Variants in STK11 observed in about 807,000 individuals in gnomAD.
STK11 encodes the protein serine/threonine kinase 11.
A neutral mutation model predicts 47.3 loss-of-function variants in STK11; 8 were observed. The observed-to-expected ratio is 0.17, with a 90% CI of 0.10 to 0.31. The LOEUF (loss-of-function observed/expected upper bound fraction) is 0.31, where lower values mean the gene tolerates loss of function less well. Among genes scored for constraint, STK11 ranks in the 10% least tolerant of loss-of-function variants. The pLI is 1.00. For synonymous variants in STK11, 330 were observed against 255.8 expected, an observed-to-expected ratio of 1.29 and a Z score of -2.77; for missense variants, 475 against 605.0, an observed-to-expected ratio of 0.79 and a Z score of 2.25.
rs766782311 is a variant in STK11, at chr19:1,220,732, C to G, written c.734+15C>G. ...GGGGTCACCCTGTAAGTGCCCCGCCCCCCCGGGCACTCACCACACGCACAC... is the reference window on the plus strand; with the variant it reads ...GGGGTCACCCTGTAAGTGCCCCGCCGCCCCGGGCACTCACCACACGCACAC... On this transcript the variant is annotated intron_variant, in intron 5 of 9. Transcript: ENST00000326873. 13 of 1,600,650 alleles carry G rather than the reference C, an allele frequency of 8.1e-6. No homozygotes were observed. The African/African-American group carries it at 1.7e-4, about 21-fold the overall frequency.
In STK11 at chr19:1,228,059, CTTT is replaced by C. The variant is rs903142806; in HGVS notation, c.*492_*494del. 4 of 836,016 alleles carry C rather than the reference CTTT, an allele frequency of 4.8e-6. No homozygotes were observed. The African/African-American group carries it at 5.5e-5, about 12-fold the overall frequency. 51.8% of individuals were successfully genotyped at this position (836,016 alleles called of 1,614,324 possible). A position where few individuals can be genotyped will look rare whatever the true frequency, so the allele number is the denominator to read the frequency against. ...TTGGTTGGTTCCATTTTCTTTTTTT[CTTT>C]TTTTTTTTAAGAAAAAATAAAAGGT... On this transcript the variant is annotated 3_prime_UTR_variant, in exon 10 of 10. Transcript: ENST00000326873.
chr19:1,208,783 A>AC (rs1211341043), intron 1 of STK11, among the ~76,000 whole-genome samples: 1 of 97,198 alleles, frequency 1.0e-5, no homozygotes, highest in African/African-American at 5.5e-5. Context: ...GTGCCCAGCT[A>AC]ATTTTTTTTT....
In STK11 at chr19:1,225,256, C is replaced by G. The variant is rs1448589970; in HGVS notation, c.1109-1198C>G. On this transcript the variant is annotated intron_variant, in intron 8 of 9. Transcript: ENST00000326873. ...GACCTATGGGTGCAATTGGTGCCTCCTCACCAAGGTCTTTTTTATCTTTTT... is the reference window on the plus strand; with the variant it reads ...GACCTATGGGTGCAATTGGTGCCTCGTCACCAAGGTCTTTTTTATCTTTTT... 2.0e-6 allele frequency: 2 copies of G among 985,260 alleles called. 1 individual carries two copies. Among genetic ancestry groups the G allele is most frequent in the African/African-American group, 3.5e-5 (2 of 57,198 alleles). The allele number at this position is 985,260 out of a possible 1,614,324, so 61.0% of individuals were successfully genotyped here.
In STK11 at chr19:1,220,509, G is replaced by A. The variant is rs2145424724; in HGVS notation, c.597+4G>A. ...CTCCGACCTGGGCGTGGCCGAGGTA[G>A]GCACGTGCTAGGGGGGGCCCTGGGG... On this transcript the variant is annotated splice_donor_region_variant and intron_variant, in intron 4 of 9. Coordinates refer to ENST00000326873, the MANE Select transcript of STK11 (RefSeq NM_000455.5). The A allele has an allele frequency of 6.2e-7, 1 of 1,600,930 alleles. No homozygotes were observed. The highest frequency in any genetic ancestry group is 8.5e-7 in the Non-Finnish European group (1 of 1,174,064).
At chr19:1,225,521 G>A (rs572527989) in intron 8 of STK11, 10 of 981,274 alleles carry the variant, frequency 1.0e-5, no homozygotes, top group East Asian at 2.3e-4. Context: ...TGCCCACCTC[G>A]GCCTCCCAAA....
intron 1 of STK11, among the ~76,000 whole-genome samples, chr19:1,213,624 G>A (rs1229439561): frequency 1.3e-5 from 2 of 152,230 alleles, no homozygotes; most frequent in Non-Finnish European, 2.9e-5. Context: ...TCACGGCTGC[G>A]TCACTTTCCA....
chr19:1,206,206 C>T lies in STK11; in HGVS notation c.-708C>T, dbSNP rs1372819761. Reference sequence around the variant, plus strand: ...GGCTCGGGGGGCGCCCAGTGCGGGCCCTCGCGGGCGCCGGGCAGCGACCAG... The same window carrying T: ...GGCTCGGGGGGCGCCCAGTGCGGGCTCTCGCGGGCGCCGGGCAGCGACCAG... On this transcript the variant is annotated 5_prime_UTR_variant, in exon 1 of 10. Transcript: ENST00000326873. The T allele has an allele frequency of 5.8e-6, 1 of 172,678 alleles. No individual in the cohort carries two copies. Among genetic ancestry groups the T allele is most frequent in the African/African-American group, 2.4e-5 (1 of 42,010 alleles). The allele number at this position is 172,678 out of a possible 1,614,324, so 10.7% of individuals were successfully genotyped here.
chr19:1,222,880 C>A, intron 7 of STK11, 105 bp from the exon 8 acceptor site: 1 of 1,325,024 alleles, frequency 7.5e-7, no homozygotes, highest in Non-Finnish European at 1.0e-6. Flanking sequence ...CTGGTCCCAG[C>A]TCCTGAGTGT....
At chr19:1,209,134 C>T (rs1261626630) in intron 1 of STK11, among the ~76,000 whole-genome samples, 3 of 87,264 alleles carry the variant, frequency 3.4e-5, no homozygotes, top group African/African-American at 9.3e-5. Context: ...GTTGCCTGTG[C>T]CTGGTCTCTG....
At chr19:1,214,336 C>T (rs553538615) in intron 1 of STK11, among the ~76,000 whole-genome samples, 5 of 152,308 alleles carry the variant, frequency 3.3e-5, no homozygotes, top group Admixed American at 2.0e-4. Flanking sequence ...TGCCTTGGTC[C>T]CTTTTAATTA....
chr19:1,221,200 C>T lies in STK11; in HGVS notation c.735-13C>T, dbSNP rs1180463550. 1 of 1,611,436 alleles carries T rather than the reference C, an allele frequency of 6.2e-7. No homozygotes were observed. The highest frequency in any genetic ancestry group is 8.5e-7 in the Non-Finnish European group (1 of 1,178,758). On this transcript the variant is annotated splice_polypyrimidine_tract_variant and intron_variant, in intron 5 of 9. Coordinates refer to ENST00000326873, the MANE Select transcript of STK11 (RefSeq NM_000455.5). The stretch of plus-strand genomic sequence containing the variant: ...GACTGACCACGCCTTTCTTCCCTCC[C>T]CTCGAAATGAAGCTACAACATCACC...
chr19:1,224,323 G>A (rs1481378025), intron 8 of STK11: 7 of 985,246 alleles, frequency 7.1e-6, no homozygotes, highest in Non-Finnish European at 8.4e-6. Flanking sequence ...GCAGCACCAC[G>A]ACCATCGCGT....
intron 9 of STK11, 77 bp downstream of exon 9, chr19:1,226,740 C>A: frequency 1.4e-6 from 2 of 1,409,264 alleles, no homozygotes; most frequent in East Asian, 2.6e-5. Flanking sequence ...GCATAGCCCG[C>A]GCTAGTCAGT....
rs563787165 is a variant in STK11 at position 1,227,713 on chromosome 19, G to A, written c.*137G>A. On this transcript the variant is annotated 3_prime_UTR_variant, in exon 10 of 10. Coordinates refer to ENST00000326873, the MANE Select transcript of STK11 (RefSeq NM_000455.5). The stretch of plus-strand genomic sequence containing the variant: ...GTGCCGACCACGCCCCAGGACCTCC[G>A]GAGCGCCCTGCAGGGCCGGGCAGGG... The A allele has an allele frequency of 1.1e-4, 118 of 1,070,468 alleles. No homozygotes were observed. The highest frequency in any genetic ancestry group is 1.3e-4 in the Non-Finnish European group (114 of 882,558). The allele number at this position is 1,070,468 out of a possible 1,614,324, so 66.3% of individuals were successfully genotyped here.
chr19:1,226,566 G>A lies in STK11; in HGVS notation c.1221G>A (p.Glu407=), dbSNP rs1568717266. Residue 407 remains glutamate (E), a synonymous_variant, in exon 9 of 10, where the codon GAG becomes GAA. Transcript: ENST00000326873. ...AAQLSTKSRA[E]GRAPNPARKA... ...AGCTGAGCACCAAATCCAGGGCGGA[G>A]GGCCGGGCCCCCAACCCTGCCCGCA... The A allele has an allele frequency of 1.3e-6, 2 of 1,591,332 alleles. No homozygotes were observed. The highest frequency in any genetic ancestry group is 1.7e-6 in the Non-Finnish European group (2 of 1,170,432).
rs563703083 is a variant in STK11, at chr19:1,228,152, G to A, written c.*576G>A. The A allele has an allele frequency of 3.8e-6, 4 of 1,063,892 alleles. No homozygotes were observed. The highest frequency in any genetic ancestry group is 4.2e-4 in the Middle Eastern group (1 of 2,404). 65.9% of individuals were successfully genotyped at this position (1,063,892 alleles called of 1,614,324 possible). A position where few individuals can be genotyped will look rare whatever the true frequency, so the allele number is the denominator to read the frequency against. On this transcript the variant is annotated 3_prime_UTR_variant, in exon 10 of 10. Transcript: ENST00000326873. ...TGGGTGGCAGGGGGGCTGTGGGGTC[G>A]GGCTCACGTCGCGGCCGCCTTTGCG...
At chr19:1,211,044 C>T (rs1173122348) in intron 1 of STK11, among the ~76,000 whole-genome samples, 1 of 152,118 alleles carries the variant, frequency 6.6e-6, no homozygotes, top group African/African-American at 2.4e-5. Flanking sequence ...GCCAATAATC[C>T]CAGCTACTTC....
chr19:1,225,745 CG>C, intron 8 of STK11: 1 of 985,542 alleles, frequency 1.0e-6, no homozygotes, highest in Non-Finnish European at 1.2e-6. Context: ...GGAGGGGCCT[CG>C]GGGATGGCTC....
At chr19:1,219,693 C>T (rs927502216) in intron 3 of STK11, among the ~76,000 whole-genome samples, 4 of 152,008 alleles carry the variant, frequency 2.6e-5, no homozygotes, top group Non-Finnish European at 5.9e-5. Context: ...TTACAGGCGC[C>T]CGCCACCACG....
Sources: gnomAD v4.1 joint callset for allele counts (sites outside exome capture counted in the v4.1 genomes callset) on GRCh38, gnomAD v4.1.1 for gene constraint, MANE v1.5 for transcripts, NCBI Gene and HGNC (gene_info 2026-07-23, HGNC 2026-07-21) for gene names.